The following CYBRD1 variants were observed in gnomAD, a reference collection of about 807,000 sequenced individuals.
CYBRD1 encodes the protein cytochrome b reductase 1, also known as plasma membrane ascorbate-dependent reductase CYBRD1.
CYBRD1 carries 14 observed loss-of-function variants against 21.9 expected under a neutral mutation model. That is an observed-to-expected ratio of 0.64 (90% CI 0.42 to 1.00). The LOEUF is 1.00. Ranked by LOEUF, CYBRD1 falls within the 50% of genes least tolerant of loss-of-function variation. The probability of loss-of-function intolerance (pLI) is 0.00; values close to 1 mark genes in which losing one functional copy is unlikely to be tolerated. For missense variants in CYBRD1, 328 were observed against 352.5 expected (o/e 0.93, Z 0.56); for synonymous variants, 146 against 136.5 (o/e 1.07, Z -0.48).
At chr2:171,535,950 C>T (rs10183083) in intron 1 of CYBRD1, among the ~76,000 whole-genome samples, 152,211 of 152,218 alleles carry the variant, frequency 1, 76,102 homozygotes, top group Non-Finnish European at 1. Context: ...CCCACACTTT[C>T]TAAAAGTAAA....
chr2:171,524,099 G>A (rs983590529), intron 1 of CYBRD1, among the ~76,000 whole-genome samples: 1 of 152,266 alleles, frequency 6.6e-6, no homozygotes, highest in South Asian at 2.1e-4. Context: ...TGCAGCTTTG[G>A]CAAGTGTGGC....
chr2:171,540,772 C>CTTTTTTTTTTTTTTTTTT lies in CYBRD1; in HGVS notation c.194-797_194-796insTTTTTTTTTTTTTTTTTT, dbSNP rs60636441. The CTTTTTTTTTTTTTTTTTT allele has an allele frequency of 8.2e-5, 9 of 109,908 alleles. 2 individuals are homozygous for CTTTTTTTTTTTTTTTTTT. The highest frequency in any genetic ancestry group is 1.5e-4 in the African/African-American group (4 of 27,030). The allele number at this position is 109,908 out of a possible 1,614,324, so 6.8% of individuals were successfully genotyped here. A position where few individuals can be genotyped will look rare whatever the true frequency, so the allele number is the denominator to read the frequency against. Reference sequence around the variant, plus strand: ...CTTTCTTTTTCTTATCAAACTAAGACTTTTTTTTTTTTTTTTGTCTTCCTC... The same window carrying CTTTTTTTTTTTTTTTTTT: ...CTTTCTTTTTCTTATCAAACTAAGACTTTTTTTTTTTTTTTTTTTTTTTTTTTTTTTTTTGTCTTCCTC... On this transcript the variant is annotated intron_variant, in intron 1 of 3. Coordinates refer to ENST00000321348, the MANE Select transcript of CYBRD1 (RefSeq NM_024843.4).
At chr2:171,529,329 C>G (rs916084206) in intron 1 of CYBRD1, among the ~76,000 whole-genome samples, 1 of 151,904 alleles carries the variant, frequency 6.6e-6, no homozygotes, top group Non-Finnish European at 1.5e-5. Flanking sequence ...GTCGGGAGTT[C>G]GAGACCAGCC....
chr2:171,552,929 A>G (rs1230670012), intron 2 of CYBRD1, among the ~76,000 whole-genome samples: 1 of 152,220 alleles, frequency 6.6e-6, no homozygotes, highest in Admixed American at 6.5e-5. Flanking sequence ...TGGTAAAAAC[A>G]AACAAGTAAG....
intron 1 of CYBRD1, chr2:171,540,784 T>TTTTTTC (rs1697618084): frequency 6.7e-6 from 1 of 148,986 alleles, no homozygotes; most frequent in Non-Finnish European, 1.5e-5. Context: ...TTTTTTTTTT[T>TTTTTTC]TTTTGTCTTC....
chr2:171,554,740 C>G lies in CYBRD1; in HGVS notation c.774C>G (p.Asp258Glu), dbSNP rs146199846. 3.0e-5 allele frequency: 49 copies of G among 1,613,796 alleles called. No individual in the cohort carries two copies. The African/African-American group carries it at 6.3e-4, about 21-fold the overall frequency. ...SMPAYSGNNMDKSDSELNSEV... is the reference protein window; with the variant it reads ...SMPAYSGNNMEKSDSELNSEV... ...CAGCCTACTCTGGCAACAACATGGA[C>G]AAATCAGATTCAGAGTTAAACAGTG... Residue 258 changes from aspartate to glutamate, a missense_variant, in exon 4 of 4, where the codon GAC (aspartate) becomes GAG (glutamate). By Grantham distance (45) the Asp-to-Glu change is conservative. Coordinates refer to ENST00000321348, the MANE Select transcript of CYBRD1 (RefSeq NM_024843.4).
intron 1 of CYBRD1, among the ~76,000 whole-genome samples, chr2:171,532,221 T>C (rs1196570439): frequency 6.6e-6 from 1 of 152,196 alleles, no homozygotes; most frequent in Non-Finnish European, 1.5e-5. Flanking sequence ...TGGAGACTGA[T>C]AATCCTGTTC....
At chr2:171,547,994 G>T (rs1323042262) in intron 2 of CYBRD1, among the ~76,000 whole-genome samples, 1 of 152,160 alleles carries the variant, frequency 6.6e-6, no homozygotes, top group Non-Finnish European at 1.5e-5. Context: ...GTGATGAAAA[G>T]ACAGTGTAGC....
At chr2:171,538,224 T>C (rs1433657752) in intron 1 of CYBRD1, among the ~76,000 whole-genome samples, 2 of 152,020 alleles carry the variant, frequency 1.3e-5, no homozygotes, top group Non-Finnish European at 2.9e-5. Context: ...GATCGCACCA[T>C]TGCACTCCAT....
At chr2:171,544,930 G>A (rs1231050824) in intron 2 of CYBRD1, among the ~76,000 whole-genome samples, 1 of 152,048 alleles carries the variant, frequency 6.6e-6, no homozygotes, top group Non-Finnish European at 1.5e-5. Flanking sequence ...CTTGAGCTCA[G>A]GAGTTCCAGA....
At position 171,522,793 on chromosome 2, in the gene CYBRD1, C is replaced by T. The variant is rs1697328029; in HGVS notation, c.193+55C>T. On this transcript the variant is annotated intron_variant, in intron 1 of 3. Coordinates refer to ENST00000321348, the MANE Select transcript of CYBRD1 (RefSeq NM_024843.4). This position sits in a 1 kb window ranked among gnomAD's most constrained non-coding sequence, Gnocchi z 4.3. ...AGGAAAGCGGGGAGAACGGCGGGGG[C>T]AGAGGGTCCTCCGTGAAGCCCCTTC... 1 of 1,608,044 alleles carries T rather than the reference C, an allele frequency of 6.2e-7. No homozygotes were observed. The highest frequency in any genetic ancestry group is 8.5e-7 in the Non-Finnish European group (1 of 1,177,422).
At chr2:171,524,850 C>T (rs1697361638) in intron 1 of CYBRD1, among the ~76,000 whole-genome samples, 1 of 152,174 alleles carries the variant, frequency 6.6e-6, no homozygotes. Context: ...AAACTTTGTA[C>T]TTCTCTTAAT....
chr2:171,550,199 G>C (rs1229433704), intron 2 of CYBRD1, among the ~76,000 whole-genome samples: 1 of 152,086 alleles, frequency 6.6e-6, no homozygotes, highest in Non-Finnish European at 1.5e-5. Flanking sequence ...TCCGCCATCC[G>C]GGTTCAAGCA....
At chr2:171,533,402 C>G (rs544890947) in intron 1 of CYBRD1, among the ~76,000 whole-genome samples, 5 of 152,170 alleles carry the variant, frequency 3.3e-5, no homozygotes, top group African/African-American at 1.2e-4. Flanking sequence ...TACTGAATTC[C>G]TACTATATGC....
chr2:171,551,690 C>A (rs1239401573), intron 2 of CYBRD1, among the ~76,000 whole-genome samples: 4 of 152,072 alleles, frequency 2.6e-5, no homozygotes, highest in African/African-American at 9.7e-5. Flanking sequence ...TAGCCTTCTC[C>A]AAAATATTGC....
intron 2 of CYBRD1, among the ~76,000 whole-genome samples, chr2:171,546,787 C>T (rs1380896693): frequency 2.0e-5 from 3 of 152,032 alleles, no homozygotes; most frequent in South Asian, 2.1e-4. Flanking sequence ...AAGCCACACA[C>T]CTGGTGTAGA....
chr2:171,552,488 G>T (rs143262656), intron 2 of CYBRD1, among the ~76,000 whole-genome samples: 6 of 152,244 alleles, frequency 3.9e-5, no homozygotes, highest in African/African-American at 1.4e-4. Flanking sequence ...TGATGTTAGT[G>T]CTTTCTCCCC....
At chr2:171,538,109 T>C (rs1259689805) in intron 1 of CYBRD1, among the ~76,000 whole-genome samples, 1 of 152,128 alleles carries the variant, frequency 6.6e-6, no homozygotes, top group Non-Finnish European at 1.5e-5. Context: ...AAACTCCGTC[T>C]CTACTAAAAA....
intron 2 of CYBRD1, among the ~76,000 whole-genome samples, chr2:171,548,716 C>T (rs577167700): frequency 7.0e-6 from 1 of 143,436 alleles, no homozygotes; most frequent in Admixed American, 6.9e-5. Context: ...TTTCTGGTCT[C>T]ATTAATGTCT....
Sources: allele counts gnomAD v4.1 joint callset (sites outside exome capture counted in the v4.1 genomes callset), GRCh38; gene constraint gnomAD v4.1.1; non-coding constraint Gnocchi (gnomAD v3.1); transcripts MANE v1.5; gene names NCBI Gene and HGNC (gene_info 2026-07-23, HGNC 2026-07-21).